SERINC5: variants seen among roughly 807,000 people sequenced by gnomAD.
The protein encoded by SERINC5 is chromosome 5 open reading frame 12.
In SERINC5, 41 loss-of-function variants were observed where a neutral mutation model predicts 63.1. That is an observed-to-expected ratio of 0.65 (90% CI 0.51 to 0.84). The LOEUF (loss-of-function observed/expected upper bound fraction) is 0.84. Among genes scored for constraint, SERINC5 ranks in the 40% least tolerant of loss-of-function variants. The pLI is 0.00. For missense variants in SERINC5, 523 were observed against 573.0 expected (o/e 0.91, Z 0.89); for synonymous variants, 222 against 215.2 (o/e 1.03, Z -0.28).
intron 8 of SERINC5, among the ~76,000 whole-genome samples, chr5:80,153,735 C>T (rs1434373966): frequency 6.6e-6 from 1 of 151,802 alleles, no homozygotes; most frequent in East Asian, 1.9e-4. Context: ...AGCGTGTTTA[C>T]TGTCTCTGCC....
chr5:80,171,131 T>A (rs1747627104), intron 5 of SERINC5, among the ~76,000 whole-genome samples: 1 of 152,072 alleles, frequency 6.6e-6, no homozygotes. Flanking sequence ...TGCCTCAGCC[T>A]CCTTAGTAGC....
intron 8 of SERINC5, chr5:80,157,562 T>C (rs542050739): frequency 6.7e-6 from 1 of 149,168 alleles, no homozygotes; most frequent in South Asian, 2.1e-4. Context: ...TGCTATGTTG[T>C]CTAGGCTGGT....
At chr5:80,173,964 G>C (rs2112401992) in intron 5 of SERINC5, among the ~76,000 whole-genome samples, 1 of 145,486 alleles carries the variant, frequency 6.9e-6, no homozygotes, top group Non-Finnish European at 1.6e-5. Context: ...CACAAAATTT[G>C]AGCTAGAAAG....
Position 80,141,251 on chromosome 5 carries a change from C to A in SERINC5, c.*2412G>T, listed in dbSNP as rs1745487988. ...CTTCCTCTTGCATCAGACCAACCGGCAGAAGGGAACGGGATGTCACAAACC... is the reference window on the plus strand; with the variant it reads ...CTTCCTCTTGCATCAGACCAACCGGAAGAAGGGAACGGGATGTCACAAACC... On this transcript the variant is annotated 3_prime_UTR_variant, in exon 12 of 12. Transcript: ENST00000507668. 1.0e-6 allele frequency: 1 copy of A among 985,312 alleles called. No homozygotes were observed. Among genetic ancestry groups the A allele is most frequent in the African/African-American group, 1.7e-5 (1 of 57,218 alleles). 61.0% of individuals were successfully genotyped at this position (985,312 alleles called of 1,614,324 possible). A position where few individuals can be genotyped will look rare whatever the true frequency, so the allele number is the denominator to read the frequency against.
At chr5:80,145,387 A>T (rs1372494821) in intron 11 of SERINC5, among the ~76,000 whole-genome samples, 1 of 150,314 alleles carries the variant, frequency 6.7e-6, no homozygotes, top group Non-Finnish European at 1.5e-5. Context: ...ACAGAAAAGG[A>T]GAAGGATACA....
At chr5:80,169,780 CAAT>C (rs1463811680) in intron 5 of SERINC5, among the ~76,000 whole-genome samples, 2 of 152,154 alleles carry the variant, frequency 1.3e-5, no homozygotes, top group African/African-American at 2.4e-5. Context: ...TTTCTCTCAA[CAAT>C]GAGAGAATTC....
At chr5:80,164,101 T>C (rs949279134) in intron 7 of SERINC5, among the ~76,000 whole-genome samples, 1 of 152,206 alleles carries the variant, frequency 6.6e-6, no homozygotes, top group African/African-American at 2.4e-5. Flanking sequence ...TCCAGAAATG[T>C]ATCCATTTCC....
Position 80,142,246 on chromosome 5 carries a change from C to T in SERINC5, c.*1417G>A, listed in dbSNP as rs1008996505. On this transcript the variant is annotated 3_prime_UTR_variant, in exon 12 of 12. Coordinates refer to ENST00000507668, the MANE Select transcript of SERINC5 (RefSeq NM_001174072.3). ...CATCTTGGGTAGCTGCCGAAAGTCA[C>T]GTTTCTGTATTACTTTGCAAGTACG... The T allele has an allele frequency of 1.3e-5, 13 of 985,252 alleles. No homozygotes were observed. Among genetic ancestry groups the T allele is most frequent in the African/African-American group, 8.7e-5 (5 of 57,222 alleles). 61.0% of individuals were successfully genotyped at this position (985,252 alleles called of 1,614,324 possible).
intron 4 of SERINC5, among the ~76,000 whole-genome samples, chr5:80,176,300 T>A (rs1406993923): frequency 6.6e-6 from 1 of 152,200 alleles, no homozygotes; most frequent in African/African-American, 2.4e-5. Context: ...CTTTTAACAG[T>A]ATTTTAGGTA....
In SERINC5 at chr5:80,141,674, C is replaced by T; in HGVS notation, c.*1989G>A. On this transcript the variant is annotated 3_prime_UTR_variant, in exon 12 of 12. Transcript: ENST00000507668. ...CTGTGTGTGACACGCAGCCCCACTC[C>T]CTGAGCCCATTCCTGGCCCACGGAA... 1.0e-6 allele frequency: 1 copy of T among 985,568 alleles called. No homozygotes were observed. Among genetic ancestry groups the T allele is most frequent in the Non-Finnish European group, 1.2e-6 (1 of 830,006 alleles). 61.1% of individuals were successfully genotyped at this position (985,568 alleles called of 1,614,324 possible). A position where few individuals can be genotyped will look rare whatever the true frequency, so the allele number is the denominator to read the frequency against.
chr5:80,205,915 C>G (rs1289959595), intron 1 of SERINC5, among the ~76,000 whole-genome samples: 1 of 101,538 alleles, frequency 9.8e-6, no homozygotes, highest in Non-Finnish European at 1.9e-5. Context: ...CTACTAAATA[C>G]AAAACAAAAC....
chr5:80,221,410 A>G (rs1480971849), intron 1 of SERINC5, among the ~76,000 whole-genome samples: 2 of 152,210 alleles, frequency 1.3e-5, no homozygotes, highest in African/African-American at 4.8e-5. Flanking sequence ...GCGATCACAC[A>G]CGACTTCAAT....
In SERINC5 at chr5:80,229,758, T is replaced by G. The variant is rs113550660; in HGVS notation, c.27+26138A>C. Among the ~76,000 whole-genome samples, 501 of 152,340 alleles carry G rather than the reference T, an allele frequency of 3.3e-3. 1 individual carries two copies. Among genetic ancestry groups the G allele is most frequent in the African/African-American group, 0.012 (484 of 41,580 alleles). On this transcript the variant is annotated intron_variant, in intron 1 of 11. Transcript: ENST00000507668. ...GCACATGTGCCTGGTCCGTAAGTGT[T>G]TAATGTTAGCTTGCATGCATGCTCA...
chr5:80,250,564 A>T (rs1752365302), intron 1 of SERINC5, among the ~76,000 whole-genome samples: 1 of 151,930 alleles, frequency 6.6e-6, no homozygotes, highest in African/African-American at 2.4e-5. Flanking sequence ...CTGGTCTCGA[A>T]CTCCGCCCAC....
chr5:80,185,013 A>C (rs1748712277), intron 2 of SERINC5, among the ~76,000 whole-genome samples: 1 of 152,064 alleles, frequency 6.6e-6, no homozygotes, highest in South Asian at 2.1e-4. Context: ...AGTAGCTGGG[A>C]TTACAGGCAT....
At position 80,155,401 on chromosome 5, in the gene SERINC5, C is replaced by T. The variant is rs897122874; in HGVS notation, c.986+3435G>A. Among the ~76,000 whole-genome samples the T allele has an allele frequency of 3.9e-5, 6 of 152,244 alleles. No homozygotes were observed. The South Asian group carries it at 1.2e-3, about 32-fold the overall frequency. ...CCAACATGGTGAAACCCCGTCTCTA[C>T]TAAAAATACAAAAATTAGCCGGGCA... is the stretch of plus-strand genomic sequence containing the variant. On this transcript the variant is annotated intron_variant, in intron 8 of 11. Transcript: ENST00000507668.
intron 1 of SERINC5, among the ~76,000 whole-genome samples, chr5:80,246,188 T>G (rs558144011): frequency 6.6e-6 from 1 of 152,146 alleles, no homozygotes; most frequent in South Asian, 2.1e-4. Flanking sequence ...AAGACTGAAT[T>G]CCTCCCTAGT....
chr5:80,137,133 C>T (rs192382165), downstream of SERINC5, among the ~76,000 whole-genome samples: 3 of 95,414 alleles, frequency 3.1e-5, no homozygotes, highest in African/African-American at 7.5e-5. Context: ...GACTGAGACC[C>T]TGTCTCAAAA....
intron 2 of SERINC5, among the ~76,000 whole-genome samples, chr5:80,202,337 T>C (rs1749889410): frequency 6.6e-6 from 1 of 152,080 alleles, no homozygotes; most frequent in South Asian, 2.1e-4. Context: ...GGAACAGCTA[T>C]AAACAATGCT....
Sources: allele counts gnomAD v4.1 joint callset (sites outside exome capture counted in the v4.1 genomes callset), GRCh38; gene constraint gnomAD v4.1.1; transcripts MANE v1.5; gene names NCBI Gene and HGNC (gene_info 2026-07-23, HGNC 2026-07-21).